The following RTL4 variants were observed in gnomAD, a reference collection of about 807,000 sequenced individuals.
RTL4 encodes retrotransposon Gag like 4.
Under a neutral mutation model 5.3 loss-of-function variants are expected in RTL4, and 4 were observed. The ratio of observed to expected loss-of-function variants is 0.75; its 90% confidence interval spans 0.37 to 1.72. RTL4 has a LOEUF of 1.72. Among genes scored for constraint, RTL4 ranks in the 40% most tolerant of loss-of-function variants. RTL4 has a pLI of 0.04. For missense variants in RTL4, 260 were observed against 227.1 expected (o/e 1.14, Z -0.93); for synonymous variants, 98 against 87.3 (o/e 1.12, Z -0.68).
chrX:112,381,410 C>T, the RTL4 span: 2 of 1,207,854 alleles, frequency 1.7e-6, no homozygotes, highest in Admixed American at 2.2e-5. Context: ...TCTGAACAAG[C>T]ATATAAAACA....
At chrX:112,268,250 T>C in the RTL4 span, among the ~76,000 whole-genome samples, 1 of 112,036 alleles carries the variant, frequency 8.9e-6, no homozygotes, top group African/African-American at 3.2e-5. Context: ...GTTATATTCC[T>C]GCCTAAGGGC....
chrX:112,100,371 C>G, the RTL4 span, among the ~76,000 whole-genome samples: 2 of 110,980 alleles, frequency 1.8e-5, no homozygotes, highest in Non-Finnish European at 3.8e-5. Flanking sequence ...AAGCAAGACA[C>G]AGATTGTTAG....
the RTL4 span, among the ~76,000 whole-genome samples, chrX:112,437,838 G>C: frequency 9.7e-6 from 1 of 103,240 alleles, no homozygotes; most frequent in Non-Finnish European, 2.0e-5. Flanking sequence ...GGTGGTGGTG[G>C]TGGTGGTGGT....
the RTL4 span, among the ~76,000 whole-genome samples, chrX:112,140,097 T>A: frequency 1.4e-4 from 16 of 112,409 alleles, no homozygotes; most frequent in Non-Finnish European, 2.8e-4. Context: ...AATATTATTA[T>A]ATAGTTTATT....
the RTL4 span, among the ~76,000 whole-genome samples, chrX:112,113,396 C>A: frequency 9.0e-6 from 1 of 111,564 alleles, no homozygotes; most frequent in South Asian, 3.8e-4. Flanking sequence ...GTGAAAAGAG[C>A]AAAGTCTCCC....
At chrX:112,414,988 A>G in the RTL4 span, among the ~76,000 whole-genome samples, 2 of 111,744 alleles carry the variant, frequency 1.8e-5, no homozygotes, top group Admixed American at 1.9e-4. Context: ...TCATTATGCT[A>G]TTCTCAGACA....
chrX:112,157,695 G>A, the RTL4 span, among the ~76,000 whole-genome samples: 1 of 111,958 alleles, frequency 8.9e-6, no homozygotes, highest in Admixed American at 9.5e-5. Context: ...TGCACAGCAG[G>A]GAGCAGTGTG....
At chrX:112,140,482 C>T in the RTL4 span, among the ~76,000 whole-genome samples, 17 of 111,678 alleles carry the variant, frequency 1.5e-4, no homozygotes, top group Non-Finnish European at 5.6e-5. Context: ...AAATGTATTG[C>T]TCACAGTTTC....
the RTL4 span, among the ~76,000 whole-genome samples, chrX:112,156,263 C>T: frequency 8.9e-6 from 1 of 112,107 alleles, no homozygotes; most frequent in East Asian, 2.8e-4. Flanking sequence ...ACATATTACC[C>T]AAGAGTTGCA....
the RTL4 span, among the ~76,000 whole-genome samples, chrX:112,224,466 T>A: frequency 2.7e-5 from 3 of 109,320 alleles, no homozygotes; most frequent in African/African-American, 1.0e-4. Context: ...CTCAGCCTCC[T>A]GGGTAGCTGG....
the RTL4 span, among the ~76,000 whole-genome samples, chrX:112,173,290 A>G: frequency 9.0e-6 from 1 of 111,671 alleles, no homozygotes. Flanking sequence ...ATTGTTTCTT[A>G]GATGTTTCAC....
At chrX:112,113,706 G>A in the RTL4 span, among the ~76,000 whole-genome samples, 53 of 111,878 alleles carry the variant, frequency 4.7e-4, no homozygotes, top group African/African-American at 1.7e-3. Flanking sequence ...GCCTTCTAGT[G>A]ATTACTTCAG....
At chrX:112,438,087 A>G in the RTL4 span, among the ~76,000 whole-genome samples, 1 of 111,226 alleles carries the variant, frequency 9.0e-6, no homozygotes, top group African/African-American at 3.3e-5. Context: ...AACAACAACC[A>G]ACATTTGTTT....
At chrX:112,332,804 C>T in the RTL4 span, among the ~76,000 whole-genome samples, 1 of 110,531 alleles carries the variant, frequency 9.0e-6, no homozygotes, top group Non-Finnish European at 1.9e-5. Context: ...ACATTGTGAA[C>T]ATGTACCCTA....
the RTL4 span, among the ~76,000 whole-genome samples, chrX:112,392,199 C>T: frequency 1.8e-5 from 2 of 112,152 alleles, no homozygotes; most frequent in African/African-American, 6.5e-5. Context: ...GGGGCTCTGT[C>T]CAGGGAGTTA....
At chrX:112,453,040 A>G (rs1190052885), upstream of RTL4, among the ~76,000 whole-genome samples, 3 of 110,537 alleles carry the variant, frequency 2.7e-5, no homozygotes, top group African/African-American at 9.9e-5. Flanking sequence ...CTCAAAAAAA[A>G]AAAAAGTAAT....
chrX:112,321,908 C>A, the RTL4 span, among the ~76,000 whole-genome samples: 1 of 111,759 alleles, frequency 8.9e-6, no homozygotes, highest in Non-Finnish European at 1.9e-5. Flanking sequence ...ATGAAAATTT[C>A]TCATGTACCC....
At chrX:112,126,018 G>A in the RTL4 span, among the ~76,000 whole-genome samples, 1 of 111,480 alleles carries the variant, frequency 9.0e-6, no homozygotes, top group African/African-American at 3.3e-5. Context: ...AGTTTAGTAC[G>A]ATACTATCCC....
chrX:112,112,338 A>T, the RTL4 span, among the ~76,000 whole-genome samples: 1 of 111,816 alleles, frequency 8.9e-6, no homozygotes, highest in Non-Finnish European at 1.9e-5. Context: ...TTGTCATTCT[A>T]CTAGATGAGT....
Sources: gnomAD v4.1 joint callset for allele counts (sites outside exome capture counted in the v4.1 genomes callset) on GRCh38, gnomAD v4.1.1 for gene constraint, MANE v1.5 for transcripts, NCBI Gene and HGNC (gene_info 2026-07-23, HGNC 2026-07-21) for gene names.